The following KHDRBS2 variants were observed in gnomAD, a reference collection of about 807,000 sequenced individuals.
KHDRBS2 encodes KH RNA binding domain containing, signal transduction associated 2, also known as KH domain-containing, RNA-binding, signal transduction-associated protein 2.
Under a neutral mutation model 44.3 loss-of-function variants are expected in KHDRBS2, and 26 were observed. The ratio of observed to expected loss-of-function variants is 0.59; its 90% CI spans 0.43 to 0.81. The LOEUF is 0.81. KHDRBS2 is among the 40% of genes least tolerant of loss of function. The pLI is 0.00. For synonymous variants in KHDRBS2, 194 were observed against 151.1 expected (o/e 1.28, Z -2.08); for missense variants, 476 against 433.1 (o/e 1.10, Z -0.88).
At position 62,237,747 on chromosome 6, in the gene KHDRBS2, G is replaced by A. The variant is rs182017340; in HGVS notation, c.91+48111C>T. On this transcript the variant is annotated intron_variant, in intron 1 of 8. Coordinates refer to ENST00000281156, the MANE Select transcript of KHDRBS2 (RefSeq NM_152688.4). ...CCATCATTGCACTGTCTCATATCAA[G>A]AAAAATATTGAGGCCCGGTGCAGTG... 2.5e-3 allele frequency among the ~76,000 whole-genome samples: 381 copies of A among 152,126 alleles called. 3 individuals carry two copies. Among genetic ancestry groups the A allele is most frequent in the African/African-American group, 8.4e-3 (349 of 41,504 alleles).
intron 7 of KHDRBS2, among the ~76,000 whole-genome samples, chr6:61,700,401 C>A (rs1768460239): frequency 6.7e-6 from 1 of 149,038 alleles, no homozygotes; most frequent in Admixed American, 6.8e-5. Context: ...ACTTTCAGAA[C>A]TCTAAACAAG....
At chr6:61,609,222 G>C in the KHDRBS2 span, among the ~76,000 whole-genome samples, 1 of 152,152 alleles carries the variant, frequency 6.6e-6, no homozygotes, top group African/African-American at 2.4e-5. Flanking sequence ...AGCTGGGCAT[G>C]GTGGTGTGCA....
downstream of KHDRBS2, among the ~76,000 whole-genome samples, chr6:61,679,591 A>G (rs1244648507): frequency 2.0e-5 from 3 of 152,004 alleles, no homozygotes; most frequent in East Asian, 5.8e-4. Flanking sequence ...AAGAAATATC[A>G]GCCCTCTAAA....
chr6:62,005,192 C>T (rs1562624870), intron 3 of KHDRBS2, among the ~76,000 whole-genome samples: 1 of 152,012 alleles, frequency 6.6e-6, no homozygotes, highest in Non-Finnish European at 1.5e-5. Flanking sequence ...AGTGATTTTT[C>T]AATCCACTCC....
chr6:62,261,425 T>C (rs1166807828), intron 1 of KHDRBS2, among the ~76,000 whole-genome samples: 1 of 151,854 alleles, frequency 6.6e-6, no homozygotes, highest in Non-Finnish European at 1.5e-5. Flanking sequence ...TCCCATTTTA[T>C]AACATGAGCC....
intron 4 of KHDRBS2, among the ~76,000 whole-genome samples, chr6:61,928,218 A>G (rs375152035): frequency 1.1e-4 from 16 of 152,266 alleles, no homozygotes; most frequent in African/African-American, 3.4e-4. Context: ...AATGCAGCAT[A>G]TAATGCAACA....
chr6:61,974,241 G>A (rs535891658), intron 4 of KHDRBS2, among the ~76,000 whole-genome samples: 1 of 152,222 alleles, frequency 6.6e-6, no homozygotes, highest in East Asian at 1.9e-4. Context: ...CATGGTCCTA[G>A]GTAGTACTAT....
the KHDRBS2 span, among the ~76,000 whole-genome samples, chr6:61,648,015 A>G: frequency 2.6e-5 from 4 of 152,082 alleles, no homozygotes; most frequent in African/African-American, 9.7e-5. Flanking sequence ...AAGTAAAAAA[A>G]TAACAGCACT....
chr6:62,035,146 C>A (rs142761515), intron 3 of KHDRBS2, among the ~76,000 whole-genome samples: 83 of 152,012 alleles, frequency 5.5e-4, no homozygotes, highest in African/African-American at 1.9e-3. Context: ...TGGGTACATA[C>A]CCTAACAAAA....
chr6:61,885,317 T>C (rs189275934), intron 6 of KHDRBS2, among the ~76,000 whole-genome samples: 2 of 152,320 alleles, frequency 1.3e-5, no homozygotes, highest in African/African-American at 4.8e-5. Flanking sequence ...GGTTATGTTA[T>C]AGCCATTGGC....
chr6:61,608,232 T>TTA, the KHDRBS2 span, among the ~76,000 whole-genome samples: 10 of 151,590 alleles, frequency 6.6e-5, no homozygotes, highest in African/African-American at 9.7e-5. Flanking sequence ...TCTGCTTGTT[T>TTA]TATATATATA....
At chr6:61,673,435 A>T in the KHDRBS2 span, among the ~76,000 whole-genome samples, 21 of 151,498 alleles carry the variant, frequency 1.4e-4, no homozygotes, top group Admixed American at 4.6e-4. Context: ...GCAATTAGGC[A>T]GGAGAAGGAA....
At chr6:62,255,669 T>A (rs1161288137) in intron 1 of KHDRBS2, among the ~76,000 whole-genome samples, 3 of 150,636 alleles carry the variant, frequency 2.0e-5, no homozygotes, top group Non-Finnish European at 3.0e-5. Context: ...GTAGAAATAG[T>A]TGTTGTTTGC....
At chr6:61,720,067 T>G (rs1178196820) in intron 7 of KHDRBS2, among the ~76,000 whole-genome samples, 3 of 152,152 alleles carry the variant, frequency 2.0e-5, no homozygotes, top group Admixed American at 6.5e-5. Context: ...CTGAGAATGA[T>G]GATTTCCAAT....
chr6:61,779,932 C>CT (rs1782675063), intron 6 of KHDRBS2, among the ~76,000 whole-genome samples: 1 of 144,712 alleles, frequency 6.9e-6, no homozygotes, highest in East Asian at 2.0e-4. Flanking sequence ...TTTCAAAATA[C>CT]TGAAAAAAAA....
chr6:61,916,558 T>C (rs561554193), intron 4 of KHDRBS2, among the ~76,000 whole-genome samples: 2 of 151,932 alleles, frequency 1.3e-5, no homozygotes, highest in Non-Finnish European at 2.9e-5. Flanking sequence ...CAGGATGAAT[T>C]TTTAAATGTA....
At chr6:62,118,023 G>A (rs992956719) in intron 2 of KHDRBS2, among the ~76,000 whole-genome samples, 23 of 152,206 alleles carry the variant, frequency 1.5e-4, no homozygotes, top group South Asian at 4.1e-4. Flanking sequence ...TGATCTGCCC[G>A]CCTTGGCCTC....
the KHDRBS2 span, among the ~76,000 whole-genome samples, chr6:61,642,259 C>T: frequency 6.6e-6 from 1 of 151,868 alleles, no homozygotes; most frequent in South Asian, 2.1e-4. Flanking sequence ...TTTTATTTGC[C>T]ATTATATCAC....
At chr6:62,264,368 A>G (rs1057102902) in intron 1 of KHDRBS2, among the ~76,000 whole-genome samples, 6 of 151,876 alleles carry the variant, frequency 4.0e-5, no homozygotes, top group Non-Finnish European at 4.4e-5. Context: ...CAAAAACTCT[A>G]AGACCAAAAT....
Sources: gnomAD v4.1 joint callset for allele counts (sites outside exome capture counted in the v4.1 genomes callset) on GRCh38, gnomAD v4.1.1 for gene constraint, MANE v1.5 for transcripts, NCBI Gene and HGNC (gene_info 2026-07-23, HGNC 2026-07-21) for gene names.